Variants in RAB27B observed in about 807,000 individuals in gnomAD.
RAB27B encodes RAB27B, member RAS oncogene family.
RAB27B carries 15 observed loss-of-function variants against 24.6 expected under a neutral mutation model. The observed-to-expected ratio is 0.61, with a 90% confidence interval of 0.41 to 0.94. The LOEUF is 0.94. Ranked by LOEUF, RAB27B falls within the 40% of genes least tolerant of loss-of-function variation. The pLI, the probability that RAB27B is intolerant of heterozygous loss-of-function variation, is 0.00. For synonymous variants in RAB27B, 105 were observed against 92.5 expected, an observed-to-expected ratio of 1.14 and a Z score of -0.78; for missense variants, 261 against 266.8, an observed-to-expected ratio of 0.98 and a Z score of 0.15.
Position 54,781,322 on chromosome 18 carries a change from G to C in RAB27B, c.-20+63181G>C, listed in dbSNP as rs897503214. On this transcript the variant is annotated intron_variant, in intron 2 of 4. Transcript: ENST00000586570. Reference sequence around the variant, plus strand: ...TCTGACAACTGGAAGAGAATAGAGGGCAGTGGGTGAGGAGAATGGAGCCTA... The same window carrying C: ...TCTGACAACTGGAAGAGAATAGAGGCCAGTGGGTGAGGAGAATGGAGCCTA... Among the ~76,000 whole-genome samples the C allele has an allele frequency of 3.3e-5, 5 of 151,960 alleles. No homozygotes were observed. The South Asian group carries it at 1.0e-3, about 32-fold the overall frequency.
In RAB27B at chr18:54,893,656, T is replaced by C. The variant is rs1392248725; in HGVS notation, c.*4243T>C. 6.6e-6 allele frequency: 1 copy of C among 151,994 alleles called. No individual in the cohort carries two copies. The highest frequency in any genetic ancestry group is 2.4e-5 in the African/African-American group (1 of 41,420). 9.4% of individuals were successfully genotyped at this position (151,994 alleles called of 1,614,324 possible). On this transcript the variant is annotated 3_prime_UTR_variant, in exon 6 of 6. Coordinates refer to ENST00000262094, the MANE Select transcript of RAB27B (RefSeq NM_004163.4). ...GTCATTTCAATGCTTTATAAATCCA[T>C]GAAGCTGCTTGTCTCATAAAGTAGA...
chr18:54,870,380 T>C (rs1184409151), intron 1 of RAB27B, among the ~76,000 whole-genome samples: 1 of 152,138 alleles, frequency 6.6e-6, no homozygotes, highest in Non-Finnish European at 1.5e-5. Context: ...ATTTAATATC[T>C]ACTCATGTTA....
upstream of RAB27B, among the ~76,000 whole-genome samples, chr18:54,825,290 G>A (rs1190354237): frequency 6.6e-6 from 1 of 152,108 alleles, no homozygotes; most frequent in East Asian, 1.9e-4. Flanking sequence ...ATATTTCGAT[G>A]AGTTTAATTA....
rs546165756 is a variant in RAB27B, at chr18:54,746,955, G to A, written c.-20+28814G>A. ...AATTCTGGCTTAGGGGCTATGATGAGAATATGCTTCCTGATAGTGAAGAAA... is the reference window on the plus strand; with the variant it reads ...AATTCTGGCTTAGGGGCTATGATGAAAATATGCTTCCTGATAGTGAAGAAA... On this transcript the variant is annotated intron_variant, in intron 2 of 4. Coordinates refer to the RAB27B transcript ENST00000586570. Among the ~76,000 whole-genome samples, 344 of 152,244 alleles carry A rather than the reference G, an allele frequency of 2.3e-3. 1 individual carries two copies. The highest frequency in any genetic ancestry group is 8.0e-3 in the African/African-American group (331 of 41,544).
At chr18:54,763,221 C>T (rs1908248316) in intron 2 of RAB27B, among the ~76,000 whole-genome samples, 1 of 152,112 alleles carries the variant, frequency 6.6e-6, no homozygotes, top group African/African-American at 2.4e-5. Flanking sequence ...TATTATGGTT[C>T]ACATACTGTG....
intron 1 of RAB27B, among the ~76,000 whole-genome samples, chr18:54,862,425 G>C (rs1360778583): frequency 6.6e-6 from 1 of 152,160 alleles, no homozygotes; most frequent in Non-Finnish European, 1.5e-5. Context: ...AACTGCCACA[G>C]CATCAAATTA....
chr18:54,883,115 A>G (rs933212354), intron 3 of RAB27B, among the ~76,000 whole-genome samples: 2 of 152,150 alleles, frequency 1.3e-5, no homozygotes, highest in Non-Finnish European at 2.9e-5. Context: ...CATAAACAGA[A>G]AAAGAAATTA....
chr18:54,744,196 T>C (rs1910161270), intron 2 of RAB27B, among the ~76,000 whole-genome samples: 1 of 152,226 alleles, frequency 6.6e-6, no homozygotes, highest in South Asian at 2.1e-4. Context: ...ATTGGACCCA[T>C]TCAAAATGAT....
At chr18:54,805,189 C>T (rs1465638645) in intron 2 of RAB27B, among the ~76,000 whole-genome samples, 2 of 151,990 alleles carry the variant, frequency 1.3e-5, no homozygotes, top group African/African-American at 2.4e-5. Context: ...TTCCCTTACA[C>T]TCAGCTCTGG....
At chr18:54,822,169 T>C (rs1400864838) in intron 2 of RAB27B, among the ~76,000 whole-genome samples, 1 of 152,214 alleles carries the variant, frequency 6.6e-6, no homozygotes, top group East Asian at 1.9e-4. Flanking sequence ...GGAGTCCTTA[T>C]AGTTCTCTTA....
chr18:54,759,863 C>T (rs1908127477), intron 2 of RAB27B, among the ~76,000 whole-genome samples: 1 of 152,134 alleles, frequency 6.6e-6, no homozygotes, highest in Non-Finnish European at 1.5e-5. Context: ...AGTGGAAGAC[C>T]ACCTTCCCAC....
intron 1 of RAB27B, among the ~76,000 whole-genome samples, chr18:54,870,968 A>G (rs1912440330): frequency 6.6e-6 from 1 of 152,198 alleles, no homozygotes. Context: ...TATGTTTGAA[A>G]TTTTCCACAA....
intron 2 of RAB27B, among the ~76,000 whole-genome samples, chr18:54,799,471 T>G (rs1246340358): frequency 6.6e-6 from 1 of 152,126 alleles, no homozygotes; most frequent in Non-Finnish European, 1.5e-5. Context: ...TTTATAAATT[T>G]AAATATATAT....
At chr18:54,794,718 G>T (rs1470175569) in intron 2 of RAB27B, among the ~76,000 whole-genome samples, 6 of 152,208 alleles carry the variant, frequency 3.9e-5, no homozygotes, top group Non-Finnish European at 5.9e-5. Flanking sequence ...CAATGGCGAT[G>T]ATTAGCTAGC....
intron 2 of RAB27B, among the ~76,000 whole-genome samples, chr18:54,796,881 T>C (rs1344761567): frequency 6.6e-6 from 1 of 152,236 alleles, no homozygotes; most frequent in South Asian, 2.1e-4. Context: ...GACAAAATAG[T>C]GGCATGATAG....
At chr18:54,824,684 C>T (rs1910417291), upstream of RAB27B, among the ~76,000 whole-genome samples, 1 of 152,132 alleles carries the variant, frequency 6.6e-6, no homozygotes, top group Admixed American at 6.5e-5. Context: ...ACATGCCTCC[C>T]CACCTGCAAG....
At chr18:54,866,947 C>T (rs1229429839) in intron 1 of RAB27B, among the ~76,000 whole-genome samples, 2 of 152,110 alleles carry the variant, frequency 1.3e-5, no homozygotes, top group Non-Finnish European at 2.9e-5. Flanking sequence ...GTGAAACAGT[C>T]CTTCATCCCC....
At chr18:54,810,052 T>A (rs1909914469) in intron 2 of RAB27B, among the ~76,000 whole-genome samples, 1 of 152,210 alleles carries the variant, frequency 6.6e-6, no homozygotes, top group Non-Finnish European at 1.5e-5. Context: ...ATTGAAAATA[T>A]ACCACATGAG....
chr18:54,770,521 A>T (rs1026527231), intron 2 of RAB27B, among the ~76,000 whole-genome samples: 1 of 152,120 alleles, frequency 6.6e-6, no homozygotes, highest in East Asian at 1.9e-4. Flanking sequence ...ATTCTACATT[A>T]TGGTGAGTTG....
Sources: gnomAD v4.1 joint callset for allele counts (sites outside exome capture counted in the v4.1 genomes callset) on GRCh38, gnomAD v4.1.1 for gene constraint, MANE v1.5 for transcripts, NCBI Gene and HGNC (gene_info 2026-07-23, HGNC 2026-07-21) for gene names.